SPTAN1: variants seen among roughly 807,000 people sequenced by gnomAD.
SPTAN1 encodes the protein spectrin alpha chain, non-erythrocytic 1.
A neutral mutation model predicts 331.3 loss-of-function variants in SPTAN1; 61 were observed. The observed-to-expected ratio is 0.18, with a 90% CI of 0.15 to 0.23. The LOEUF (loss-of-function observed/expected upper bound fraction) is 0.23, where lower values mean the gene tolerates loss of function less well. SPTAN1 is among the 10% of genes least tolerant of loss of function. The pLI, the probability that SPTAN1 is intolerant of heterozygous loss-of-function variation, is 1.00. For missense variants in SPTAN1, 2,043 were observed against 3,147.9 expected (o/e 0.65, Z 8.40); for synonymous variants, 1,153 against 1,173.9 (o/e 0.98, Z 0.36).
At chr9:128,617,391 C>G (rs924130973) in intron 41 of SPTAN1, among the ~76,000 whole-genome samples, 1 of 152,084 alleles carries the variant, frequency 6.6e-6, no homozygotes, top group Non-Finnish European at 1.5e-5. Context: ...AGTGATGCCT[C>G]CCATCCTCCA....
At chr9:128,555,323 T>A in intron 1 of SPTAN1, 5 of 1,285,244 alleles carry the variant, frequency 3.9e-6, no homozygotes, top group Non-Finnish European at 5.1e-6. Flanking sequence ...AAGCTTGTTA[T>A]CTTGCTCTTC....
chr9:128,625,372 G>T lies in SPTAN1; in HGVS notation c.6069+193G>T, dbSNP rs1202339430. On this transcript the variant is annotated intron_variant, in intron 47 of 56. Transcript: ENST00000372739. This position sits in a 1 kb window ranked among gnomAD's most constrained non-coding sequence, Gnocchi z 4.1. Reference sequence around the variant, plus strand: ...CACAGAACCAGGCATCTCTGCAGCAGCCTGCTGGGTGCTGACGGGACTGGG... The same window carrying T: ...CACAGAACCAGGCATCTCTGCAGCATCCTGCTGGGTGCTGACGGGACTGGG... Among the ~76,000 whole-genome samples the T allele has an allele frequency of 3.9e-5, 6 of 152,236 alleles. No homozygotes were observed. The highest frequency in any genetic ancestry group is 1.4e-4 in the African/African-American group (6 of 41,474).
chr9:128,617,160 A>G (rs1172951610), intron 41 of SPTAN1, among the ~76,000 whole-genome samples: 4 of 151,822 alleles, frequency 2.6e-5, no homozygotes, highest in Admixed American at 2.6e-4. Flanking sequence ...GATCACTTGA[A>G]CCGGAGTGGC....
Position 128,582,753 on chromosome 9 carries a change from C to T in SPTAN1, c.1710C>T (p.Ala570=), listed in dbSNP as rs115428827. ...ERAMRRRAQL[A]DSFHLQQFFR... is the part of the protein sequence containing the mutation. ...CCATGCGTCGCCGGGCCCAGCTAGC[C>T]GATTCTTTCCATCTGCAGCAGTTTT... Residue 570 remains alanine (A), a synonymous_variant, in exon 14 of 57, where the codon GCC becomes GCT. Coordinates refer to ENST00000372739, the MANE Select transcript of SPTAN1 (RefSeq NM_001130438.3). 1,593 of 1,614,020 alleles carry T rather than the reference C, an allele frequency of 9.9e-4. 12 individuals carry two copies. In the African/African-American group the frequency reaches 0.019, roughly 19 times the overall value.
At position 128,577,058 on chromosome 9, in the gene SPTAN1, G is replaced by C; in HGVS notation, c.786-71G>C. On this transcript the variant is annotated intron_variant, in intron 6 of 56. Transcript: ENST00000372739. The surrounding 1 kb of genome is among the most constrained non-coding windows in gnomAD (Gnocchi z 4.2). ...GAGCTGTCGAGGCTGACTAGGCCTT[G>C]GTCCCATGGGGTGTTCCTAGTTCTA... 1 of 1,613,914 alleles carries C rather than the reference G, an allele frequency of 6.2e-7. No individual in the cohort carries two copies. The highest frequency in any genetic ancestry group is 1.1e-5 in the South Asian group (1 of 91,048).
At position 128,577,025 on chromosome 9, in the gene SPTAN1, G is replaced by C; in HGVS notation, c.785+69G>C. The stretch of plus-strand genomic sequence containing the variant: ...AGGGGAGTTGTGAAGCACAGGGCAT[G>C]TGCTGGTGAGCTGTCGAGGCTGACT... On this transcript the variant is annotated intron_variant, in intron 6 of 56. Coordinates refer to ENST00000372739, the MANE Select transcript of SPTAN1 (RefSeq NM_001130438.3). This position sits in a 1 kb window ranked among gnomAD's most constrained non-coding sequence, Gnocchi z 4.2. 6.2e-7 allele frequency: 1 copy of C among 1,613,972 alleles called. No individual in the cohort carries two copies.
chr9:128,567,503 G>T (rs185066020), intron 2 of SPTAN1, among the ~76,000 whole-genome samples: 73 of 152,120 alleles, frequency 4.8e-4, no homozygotes, highest in African/African-American at 1.6e-3. Context: ...TGTTGGCCAG[G>T]CTGGTCTTGA....
At chr9:128,587,348 G>A (rs1358193002) in intron 19 of SPTAN1, among the ~76,000 whole-genome samples, 1 of 152,158 alleles carries the variant, frequency 6.6e-6, no homozygotes, top group African/African-American at 2.4e-5. Context: ...GCCTCCCAAA[G>A]TGCTGGGATT....
chr9:128,565,624 GTT>G (rs1167185171), intron 1 of SPTAN1, among the ~76,000 whole-genome samples: 2 of 152,182 alleles, frequency 1.3e-5, no homozygotes, highest in African/African-American at 4.8e-5. Flanking sequence ...ATCTCCTTCT[GTT>G]TACCTGCTAG....
At chr9:128,612,715 C>G (rs1473107494) in intron 39 of SPTAN1, among the ~76,000 whole-genome samples, 1 of 152,160 alleles carries the variant, frequency 6.6e-6, no homozygotes, top group East Asian at 1.9e-4. Flanking sequence ...CACTTGAGGT[C>G]AGGAGTTCGA....
chr9:128,589,619 A>G (rs1589238422), intron 21 of SPTAN1, among the ~76,000 whole-genome samples: 1 of 124,972 alleles, frequency 8.0e-6, no homozygotes, highest in South Asian at 2.7e-4. Flanking sequence ...TCTGTCGTCC[A>G]GGTTGCAGTG....
chr9:128,617,364 C>T (rs1358827269), intron 41 of SPTAN1, among the ~76,000 whole-genome samples: 1 of 151,990 alleles, frequency 6.6e-6, no homozygotes, highest in Non-Finnish European at 1.5e-5. Context: ...TTTGATAGGG[C>T]TCCTCAGGGC....
At position 128,615,722 on chromosome 9, in the gene SPTAN1, A is replaced by G. The variant is rs780622472; in HGVS notation, c.5239A>G (p.Ile1747Val). 49 of 1,614,094 alleles carry G rather than the reference A, an allele frequency of 3.0e-5. No homozygotes were observed. The highest frequency in any genetic ancestry group is 4.1e-5 in the Non-Finnish European group (48 of 1,180,050). ...TSQVKDKRDT[I>V]NGRFQKIKSM... Reference sequence around the variant, plus strand: ...CCAAGTAAAGGACAAGAGGGACACCATCAACGGGCGCTTCCAGAAGATCAA... The same window carrying G: ...CCAAGTAAAGGACAAGAGGGACACCGTCAACGGGCGCTTCCAGAAGATCAA... The change falls in exon 41 of 57, where the codon ATC becomes GTC. Residue 1747 changes from isoleucine to valine, a missense_variant. Around this residue, in one of 12 missense-constraint regions of SPTAN1, gnomAD observed 323 missense variants for 581.1 expected, o/e 0.56. Transcript: ENST00000372739.
Position 128,626,579 on chromosome 9 carries a change from C to T in SPTAN1, c.6468C>T (p.Ala2156=), listed in dbSNP as rs551663711. Residue 2156 remains alanine (A), a synonymous_variant, in exon 49 of 57, where the codon GCC becomes GCT. Coordinates refer to ENST00000372739, the MANE Select transcript of SPTAN1 (RefSeq NM_001130438.3). ...SSAQADFNQL[A]ELDRQIKSFR... is the part of the protein sequence containing the mutation. ...CCCAGGCTGACTTCAACCAGCTGGCCGAGCTGGACCGCCAGATCAAGAGCT... is the reference window on the plus strand; with the variant it reads ...CCCAGGCTGACTTCAACCAGCTGGCTGAGCTGGACCGCCAGATCAAGAGCT... 1.4e-5 allele frequency: 23 copies of T among 1,613,964 alleles called. No homozygotes were observed. The Admixed American group carries it at 1.8e-4, about 13-fold the overall frequency.
intron 21 of SPTAN1, among the ~76,000 whole-genome samples, chr9:128,591,163 G>A (rs1320590193): frequency 2.0e-5 from 3 of 151,994 alleles, no homozygotes; most frequent in East Asian, 2.0e-4. Context: ...CTGGGTTCAT[G>A]CCATTCTCCT....
At position 128,577,435 on chromosome 9, in the gene SPTAN1, A is replaced by G. The variant is rs1274564383; in HGVS notation, c.1014A>G (p.Glu338=). Residue 338 remains glutamate (E), a synonymous_variant, in exon 8 of 57, where the codon GAA becomes GAG. Transcript: ENST00000372739. The surrounding 1 kb of genome is among the most constrained non-coding windows in gnomAD (Gnocchi z 4.2). ...CACAGATTCAAGTGAAGCGAGAGGA[A>G]CTGATTACAAACTGGGAGCAGATCC... is the stretch of plus-strand genomic sequence containing the variant. ...SATQIQVKRE[E]LITNWEQIRT... 3.1e-6 allele frequency: 5 copies of G among 1,614,082 alleles called. No homozygotes were observed. Among genetic ancestry groups the G allele is most frequent in the East Asian group, 2.2e-5 (1 of 44,898 alleles).
In SPTAN1 at chr9:128,566,987, A is replaced by G. The variant is rs746224717; in HGVS notation, c.237+10A>G. On this transcript the variant is annotated intron_variant, in intron 2 of 56. Transcript: ENST00000372739. ...CCCAACCAACTTGCAGGTACGTCTGATCTCCTGGGATTCCTGCCAAAATTC... is the reference window on the plus strand; with the variant it reads ...CCCAACCAACTTGCAGGTACGTCTGGTCTCCTGGGATTCCTGCCAAAATTC... 1.1e-5 allele frequency: 18 copies of G among 1,613,790 alleles called. No homozygotes were observed. The African/African-American group carries it at 1.9e-4, about 17-fold the overall frequency.
In SPTAN1 at chr9:128,583,072, C is replaced by G. The variant is rs749534578; in HGVS notation, c.1807-5C>G. The G allele has an allele frequency of 6.2e-6, 10 of 1,613,986 alleles. No individual in the cohort carries two copies. The highest frequency in any genetic ancestry group is 6.8e-6 in the Non-Finnish European group (8 of 1,179,994). ...ATAGAAAGAACCCCCTTCTTTTATT[C>G]ACAGGATCCATCCAACCTACAAGGA... On this transcript the variant is annotated splice_polypyrimidine_tract_variant and splice_region_variant and intron_variant, in intron 14 of 56. Coordinates refer to ENST00000372739, the MANE Select transcript of SPTAN1 (RefSeq NM_001130438.3).
intron 2 of SPTAN1, 37 bp downstream of exon 2, chr9:128,567,014 A>G: frequency 1.2e-6 from 2 of 1,612,990 alleles, no homozygotes; most frequent in Non-Finnish European, 1.7e-6. Flanking sequence ...CCAAAATTCA[A>G]GAGCCCAAAT....
Sources: gnomAD v4.1 joint callset for allele counts (sites outside exome capture counted in the v4.1 genomes callset) on GRCh38, gnomAD v4.1.1 for gene constraint, gnomAD v4.1.1 regional missense constraint, Gnocchi (gnomAD v3.1) non-coding constraint, MANE v1.5 for transcripts, NCBI Gene and HGNC (gene_info 2026-07-23, HGNC 2026-07-21) for gene names.